The following ZMYM2 variants were observed in gnomAD, a reference collection of about 807,000 sequenced individuals.
ZMYM2 encodes zinc finger MYM-type containing 2, also known as zinc finger MYM-type protein 2.
In ZMYM2, 56 loss-of-function variants were observed where a neutral mutation model predicts 162.8. The observed-to-expected ratio is 0.34, with a 90% CI of 0.28 to 0.43. ZMYM2 has a LOEUF of 0.43. Ranked by LOEUF, ZMYM2 falls within the 20% of genes least tolerant of loss-of-function variation. ZMYM2 has a pLI of 1.00. For synonymous variants in ZMYM2, 510 were observed against 541.6 expected (o/e 0.94, Z 0.81); for missense variants, 1,275 against 1,621.8 (o/e 0.79, Z 3.67).
At chr13:19,918,614 C>T in the ZMYM2 span, among the ~76,000 whole-genome samples, 1 of 150,232 alleles carries the variant, frequency 6.7e-6, no homozygotes, top group Non-Finnish European at 1.5e-5. Flanking sequence ...TTCTCCTGCC[C>T]CAGCCTCCTG....
the ZMYM2 span, among the ~76,000 whole-genome samples, chr13:19,889,545 C>T: frequency 6.6e-6 from 1 of 151,872 alleles, no homozygotes; most frequent in Non-Finnish European, 1.5e-5. Context: ...GTCTCAAACT[C>T]CTGACCTCAG....
At chr13:19,996,858 G>GC (rs532244337) in intron 3 of ZMYM2, among the ~76,000 whole-genome samples, 27 of 152,298 alleles carry the variant, frequency 1.8e-4, no homozygotes, top group African/African-American at 6.5e-4. Flanking sequence ...CTACACTCTA[G>GC]CCCAGGCAGC....
chr13:20,089,085 A>G lies in ZMYM2; in HGVS notation c.*3071A>G, dbSNP rs1958421616. 1 of 198,358 alleles carries G rather than the reference A, an allele frequency of 5.0e-6. No homozygotes were observed. The highest frequency in any genetic ancestry group is 1.9e-4 in the South Asian group (1 of 5,232). 12.3% of individuals were successfully genotyped at this position (198,358 alleles called of 1,614,324 possible). ...TAGTCATGAAAGTGTACATGAAAAT[A>G]TTTTTAAAGAATAAATTTCTTTAAA... On this transcript the variant is annotated 3_prime_UTR_variant, in exon 25 of 25. Transcript: ENST00000610343.
intron 18 of ZMYM2, among the ~76,000 whole-genome samples, chr13:20,064,022 G>T (rs1458737486): frequency 1.4e-5 from 2 of 148,078 alleles, no homozygotes; most frequent in Non-Finnish European, 3.0e-5. Context: ...TTATTTTCAG[G>T]TCTTTTGTAA....
chr13:19,914,172 G>A, the ZMYM2 span, among the ~76,000 whole-genome samples: 1 of 152,190 alleles, frequency 6.6e-6, no homozygotes, highest in African/African-American at 2.4e-5. Context: ...GGAAGTCTGG[G>A]GAAGAGGCAT....
the ZMYM2 span, among the ~76,000 whole-genome samples, chr13:19,895,063 C>T: frequency 2.0e-5 from 2 of 100,916 alleles, no homozygotes; most frequent in African/African-American, 3.8e-5. Flanking sequence ...GGCGAAAGAG[C>T]GAAACTCCAT....
chr13:19,930,828 C>T, the ZMYM2 span, among the ~76,000 whole-genome samples: 2 of 151,602 alleles, frequency 1.3e-5, no homozygotes, highest in East Asian at 4.0e-4. Flanking sequence ...TGTGAGCCAC[C>T]TCACCTGGAC....
At chr13:20,025,610 G>A (rs945249839) in intron 7 of ZMYM2, 4 of 155,546 alleles carry the variant, frequency 2.6e-5, no homozygotes, top group African/African-American at 9.6e-5. Context: ...ACAGGTGTGA[G>A]CCACACCCTG....
intron 21 of ZMYM2, chr13:20,068,140 A>G (rs1416218081): frequency 5.5e-6 from 1 of 180,206 alleles, no homozygotes; most frequent in African/African-American, 2.4e-5. Context: ...GTGCATGGCT[A>G]TAAATCACTG....
chr13:19,984,520 C>T (rs769600855), intron 2 of ZMYM2, among the ~76,000 whole-genome samples: 3 of 152,142 alleles, frequency 2.0e-5, no homozygotes, highest in Admixed American at 1.3e-4. Context: ...ATTTTTATAC[C>T]ATTTACTGTA....
upstream of ZMYM2, among the ~76,000 whole-genome samples, chr13:19,958,314 G>A (rs1221503886): frequency 6.6e-6 from 1 of 152,160 alleles, no homozygotes; most frequent in African/African-American, 2.4e-5. Context: ...GCCGCGGCCT[G>A]GGCGCCCGGG....
the ZMYM2 span, among the ~76,000 whole-genome samples, chr13:19,934,417 C>T: frequency 6.6e-6 from 1 of 152,140 alleles, no homozygotes; most frequent in African/African-American, 2.4e-5. Context: ...CTCGGCCTCC[C>T]AAAGTGCTGG....
chr13:19,885,058 G>T, the ZMYM2 span, among the ~76,000 whole-genome samples: 1 of 152,126 alleles, frequency 6.6e-6, no homozygotes, highest in Non-Finnish European at 1.5e-5. Context: ...GTGCTGATTG[G>T]TGCATATACA....
Position 20,087,865 on chromosome 13 carries a change from C to CT in ZMYM2, c.*1856dup, listed in dbSNP as rs374839327. ...AATACAAAAATTTTCTCTAACTTAC[C>CT]TTTTTCCAGAACTACTTCTTTAAGC... is the stretch of plus-strand genomic sequence containing the variant. On this transcript the variant is annotated 3_prime_UTR_variant, in exon 25 of 25. Coordinates refer to ENST00000610343, the MANE Select transcript of ZMYM2 (RefSeq NM_197968.4). 5.4e-3 allele frequency: 1,010 copies of CT among 187,874 alleles called. 13 individuals carry two copies. Among genetic ancestry groups the CT allele is most frequent in the African/African-American group, 0.022 (956 of 42,944 alleles). 11.6% of individuals were successfully genotyped at this position (187,874 alleles called of 1,614,324 possible).
At chr13:19,884,493 G>C in the ZMYM2 span, among the ~76,000 whole-genome samples, 12 of 152,002 alleles carry the variant, frequency 7.9e-5, no homozygotes, top group Admixed American at 7.9e-4. Context: ...CAGGAAAATA[G>C]CGTGAACCCG....
rs1958372025 is a variant in ZMYM2, at chr13:20,088,073, T to G, written c.*2059T>G. ...ACTACTATCAAGCACCTTGTCTTGC[T>G]ATTTACAGTTTCTTCATTTGTATAT... On this transcript the variant is annotated 3_prime_UTR_variant, in exon 25 of 25. Coordinates refer to ENST00000610343, the MANE Select transcript of ZMYM2 (RefSeq NM_197968.4). 1 of 198,542 alleles carries G rather than the reference T, an allele frequency of 5.0e-6. No individual in the cohort carries two copies. Among genetic ancestry groups the G allele is most frequent in the African/African-American group, 2.3e-5 (1 of 43,498 alleles). 12.3% of individuals were successfully genotyped at this position (198,542 alleles called of 1,614,324 possible).
chr13:20,031,934 G>C (rs944130261), intron 10 of ZMYM2, among the ~76,000 whole-genome samples: 5 of 139,848 alleles, frequency 3.6e-5, no homozygotes, highest in Admixed American at 7.7e-5. Flanking sequence ...GCAGTGGCAC[G>C]ATCTCGGCTC....
chr13:20,051,650 G>T lies in ZMYM2; in HGVS notation c.2458+52G>T, dbSNP rs370070848. On this transcript the variant is annotated intron_variant, in intron 13 of 24. Coordinates refer to ENST00000610343, the MANE Select transcript of ZMYM2 (RefSeq NM_197968.4). ...GAAAACCCTGTACATCAGTCTTTAC[G>T]TAGTTTTGAATCCAAAGCACTGATA... is the stretch of plus-strand genomic sequence containing the variant. 116 of 1,516,236 alleles carry T rather than the reference G, an allele frequency of 7.7e-5. No homozygotes were observed. The South Asian group carries it at 1.5e-3, about 20-fold the overall frequency. The allele number at this position is 1,516,236 out of a possible 1,614,324, so 93.9% of individuals were successfully genotyped here.
chr13:20,048,826 C>G (rs992077050), intron 12 of ZMYM2, among the ~76,000 whole-genome samples: 6 of 150,620 alleles, frequency 4.0e-5, no homozygotes, highest in African/African-American at 1.5e-4. Context: ...TTTTCCCCCT[C>G]CCTCTTAGTT....
Sources: allele counts gnomAD v4.1 joint callset (sites outside exome capture counted in the v4.1 genomes callset), GRCh38; gene constraint gnomAD v4.1.1; transcripts MANE v1.5; gene names NCBI Gene and HGNC (gene_info 2026-07-23, HGNC 2026-07-21).